MSLN: variants seen among roughly 807,000 people sequenced by gnomAD.
MSLN encodes CAK1 antigen.
Under a neutral mutation model 72.6 loss-of-function variants are expected in MSLN, and 82 were observed. The ratio of observed to expected loss-of-function variants is 1.13; its 90% CI spans 0.94 to 1.36. The LOEUF (loss-of-function observed/expected upper bound fraction) is 1.36, where lower values mean the gene tolerates loss of function less well. Among genes scored for constraint, MSLN ranks in the 40% most tolerant of loss-of-function variants. The probability of loss-of-function intolerance (pLI) is 0.00; values close to 1 mark genes in which losing one functional copy is unlikely to be tolerated. For missense variants in MSLN, 1,005 were observed against 847.9 expected (o/e 1.19, Z -2.30); for synonymous variants, 456 against 387.3 (o/e 1.18, Z -2.08).
chr16:768,522 C>T lies in MSLN; in HGVS notation c.1740C>T (p.Gly580=), dbSNP rs369475509. The part of the protein sequence containing the change: ...DLDTLGLGLQ[G]GIPNGYLVLD... ...ACACGCTGGGGCTGGGGCTACAGGGCGGCATCCCCAACGGCTACCTGGTCC... is the reference window on the plus strand; with the variant it reads ...ACACGCTGGGGCTGGGGCTACAGGGTGGCATCCCCAACGGCTACCTGGTCC... Residue 580 remains glycine, a synonymous_variant, in exon 17 of 18, where the codon GGC becomes GGT. Transcript: ENST00000545450. 1.5e-5 allele frequency: 24 copies of T among 1,598,462 alleles called. No homozygotes were observed. Among genetic ancestry groups the T allele is most frequent in the Non-Finnish European group, 1.8e-5 (21 of 1,171,694 alleles).
Position 764,910 on chromosome 16 carries a change from A to C in MSLN, c.384A>C (p.Pro128=). The C allele has an allele frequency of 6.2e-7, 1 of 1,611,652 alleles. No homozygotes were observed. Among genetic ancestry groups the C allele is most frequent in the Non-Finnish European group, 8.5e-7 (1 of 1,179,448 alleles). ...CCCCAGCACCCTCTCTTCACAGCCC[A>C]GATGCGTTCTCGGGGCCCCAGGCCT... is the stretch of plus-strand genomic sequence containing the variant. ...LPLDLLLFLN[P]DAFSGPQACT... is the part of the protein sequence containing the mutation. Residue 128 remains proline, a synonymous_variant, in exon 8 of 18, where the codon CCA becomes CCC. Coordinates refer to ENST00000545450, the MANE Select transcript of MSLN (RefSeq NM_005823.6).
chr16:766,427 G>A lies in MSLN; in HGVS notation c.1167G>A (p.Val389=), dbSNP rs750832995. Residue 389 remains valine, a synonymous_variant, in exon 13 of 18, where the codon GTG becomes GTA. Transcript: ENST00000545450. ...MSPEDIRKWN[V]TSLETLKALL... is the part of the protein sequence containing the mutation. ...CTGAGGACATTCGCAAGTGGAATGTGACGTCCCTGGAGACCCTGAAGGCTT... is the reference window on the plus strand; with the variant it reads ...CTGAGGACATTCGCAAGTGGAATGTAACGTCCCTGGAGACCCTGAAGGCTT... The A allele has an allele frequency of 1.9e-6, 3 of 1,612,576 alleles. No homozygotes were observed.
At position 767,380 on chromosome 16, in the gene MSLN, G is replaced by A. The variant is rs746891184; in HGVS notation, c.1506G>A (p.Gly502=). The part of the protein sequence containing the change: ...YFVKIQSFLG[G]APTEDLKALS... Reference sequence around the variant, plus strand: ...GGCCCCTCTCCCGGCGGGCAGGTGGGGCCCCCACGGAGGATTTGAAGGCGC... The same window carrying A: ...GGCCCCTCTCCCGGCGGGCAGGTGGAGCCCCCACGGAGGATTTGAAGGCGC... The change falls in exon 16 of 18, where the codon GGG becomes GGA. Residue 502 remains glycine, a synonymous_variant. Transcript: ENST00000545450. 1 of 1,611,044 alleles carries A rather than the reference G, an allele frequency of 6.2e-7. No homozygotes were observed. Among genetic ancestry groups the A allele is most frequent in the Non-Finnish European group, 8.5e-7 (1 of 1,179,376 alleles).
Position 764,063 on chromosome 16 carries a change from G to T in MSLN, c.220G>T (p.Val74Leu). 6.2e-7 allele frequency: 1 copy of T among 1,605,552 alleles called. No homozygotes were observed. ...ACTCCTTGGCTTCCCGTGTGCGGAG[G>T]TGTCCGGCCTGAGCACGGAGCGTGT... is the stretch of plus-strand genomic sequence containing the variant. ...RQLLGFPCAE[V>L]SGLSTERVRE... Residue 74 changes from valine to leucine, a missense_variant, in exon 6 of 18, where the codon GTG becomes TTG. Physicochemically the swap from Val to Leu is conservative, Grantham distance 32. Transcript: ENST00000545450.
intron 4 of MSLN, 21 bp from the exon 5 acceptor site, chr16:763,621 C>G: frequency 6.3e-7 from 1 of 1,588,024 alleles, no homozygotes; most frequent in South Asian, 1.1e-5. Context: ...GAGCCATGTT[C>G]AGCAGGCCCT....
At position 766,441 on chromosome 16, in the gene MSLN, C is replaced by T; in HGVS notation, c.1181C>T (p.Thr394Ile). The T allele has an allele frequency of 6.2e-7, 1 of 1,612,684 alleles. No individual in the cohort carries two copies. Among genetic ancestry groups the T allele is most frequent in the Admixed American group, 1.7e-5 (1 of 60,022 alleles). Residue 394 changes from threonine to isoleucine, a missense_variant, in exon 13 of 18, where the codon ACC becomes ATC. Physicochemically the swap from Thr to Ile is moderately conservative, Grantham distance 89. Coordinates refer to ENST00000545450, the MANE Select transcript of MSLN (RefSeq NM_005823.6). ...IRKWNVTSLE[T>I]LKALLEVNKG... ...AAGTGGAATGTGACGTCCCTGGAGA[C>T]CCTGAAGGCTTTGCTTGAAGTCAAC... is the stretch of plus-strand genomic sequence containing the variant.
Position 764,009 on chromosome 16 carries a change from G to T in MSLN, c.180-14G>T. On this transcript the variant is annotated splice_polypyrimidine_tract_variant and intron_variant, in intron 5 of 17. Coordinates refer to ENST00000545450, the MANE Select transcript of MSLN (RefSeq NM_005823.6). ...AGGGGCGATCGTGGGTGCCCAGCCC[G>T]ACCCTTCCTGCAGCCTCTCCCCTCG... The T allele has an allele frequency of 6.3e-7, 1 of 1,596,698 alleles. No homozygotes were observed. The highest frequency in any genetic ancestry group is 1.1e-5 in the South Asian group (1 of 90,488).
chr16:763,560 C>T, intron 4 of MSLN, 82 bp from the exon 5 acceptor site: 3 of 1,386,482 alleles, frequency 2.2e-6, no homozygotes, highest in Non-Finnish European at 3.0e-6. Flanking sequence ...CGGGGAGTAC[C>T]TGGCCCAGGG....
rs372418783 is a variant in MSLN, at chr16:767,454, G to C, written c.1580G>C (p.Arg527Pro). The C allele has an allele frequency of 6.9e-6, 11 of 1,590,730 alleles. No individual in the cohort carries two copies. The highest frequency in any genetic ancestry group is 4.4e-5 in the South Asian group (4 of 90,064). Residue 527 changes from arginine to proline, a missense_variant, in exon 16 of 18, where the codon CGG (arginine) becomes CCG (proline). Arg to Pro is a moderately radical substitution (Grantham distance 103). Transcript: ENST00000545450. ...SMDLATFMKL[R>P]TDAVLPLTVA... Reference sequence around the variant, plus strand: ...GACTTGGCCACGTTCATGAAGCTGCGGACGGATGCGGTGCTGGTATGGCGA... The same window carrying C: ...GACTTGGCCACGTTCATGAAGCTGCCGACGGATGCGGTGCTGGTATGGCGA...
chr16:765,976 G>C, intron 11 of MSLN, 83 bp from the exon 12 acceptor site: 1 of 1,445,268 alleles, frequency 6.9e-7, no homozygotes, highest in Non-Finnish European at 9.3e-7. Flanking sequence ...CAAATGGCCC[G>C]AGGTCTCATC....
At chr16:766,015 T>C (rs754143674) in intron 11 of MSLN, 44 bp from the exon 12 acceptor site, 16 of 1,540,510 alleles carry the variant, frequency 1.0e-5, no homozygotes, top group Non-Finnish European at 4.4e-6. Flanking sequence ...GAAGAAGGGG[T>C]CAAACGAACT....
At chr16:764,183 G>T (rs754325182) in intron 6 of MSLN, 40 bp downstream of exon 6, 1 of 1,585,606 alleles carries the variant, frequency 6.3e-7, no homozygotes, top group South Asian at 1.1e-5. Flanking sequence ...GCACAGCTGG[G>T]GCTGAGGAAT....
In MSLN at chr16:765,147, G is replaced by A. The variant is rs751900858; in HGVS notation, c.548G>A (p.Arg183Gln). ...TCTCTGCTGAGCGAGGCTGATGTGC[G>A]GGCTCTGGGAGGCCTGGCTTGCGAC... is the stretch of plus-strand genomic sequence containing the variant. ...RGSLLSEADV[R>Q]ALGGLACDLP... is the part of the protein sequence containing the mutation. The change falls in exon 9 of 18, where the codon CGG (arginine) becomes CAG (glutamine). Residue 183 changes from arginine to glutamine, a missense_variant. By Grantham distance (43) the Arg-to-Gln change is conservative. Coordinates refer to ENST00000545450, the MANE Select transcript of MSLN (RefSeq NM_005823.6). The A allele has an allele frequency of 8.1e-6, 13 of 1,603,504 alleles. No homozygotes were observed. Among genetic ancestry groups the A allele is most frequent in the African/African-American group, 5.3e-5 (4 of 74,908 alleles).
chr16:768,754 C>A lies in MSLN; in HGVS notation c.*21C>A. ...CCTGAGGGCCCCACTCCCTTGCTGGCCCCAGCCCTGCTGGGGATCCCCGCC... is the reference window on the plus strand; with the variant it reads ...CCTGAGGGCCCCACTCCCTTGCTGGACCCAGCCCTGCTGGGGATCCCCGCC... On this transcript the variant is annotated 3_prime_UTR_variant, in exon 18 of 18. Transcript: ENST00000545450. The A allele has an allele frequency of 6.2e-7, 1 of 1,607,550 alleles. No homozygotes were observed. The highest frequency in any genetic ancestry group is 8.5e-7 in the Non-Finnish European group (1 of 1,177,976).
chr16:765,714 A>G lies in MSLN; in HGVS notation c.819A>G (p.Gln273=), dbSNP rs776353952. The G allele has an allele frequency of 6.2e-6, 10 of 1,600,990 alleles. No homozygotes were observed. In the East Asian group the frequency reaches 1.1e-4, roughly 18 times the overall value. ...IPQGIVAAWR[Q]RSSRDPSWRQ... ...AGGGCATCGTGGCCGCGTGGCGGCA[A>G]CGCTCCTCTCGGGACCCATCCTGGC... The change falls in exon 11 of 18, where the codon CAA becomes CAG. Residue 273 remains glutamine (Q), a synonymous_variant. Coordinates refer to ENST00000545450, the MANE Select transcript of MSLN (RefSeq NM_005823.6).
Position 765,096 on chromosome 16 carries a change from C to T in MSLN, c.511-14C>T, listed in dbSNP as rs757744631. ...TCGGCAGTTCCAAAAGCGCTGAGGCCAGCCTCTCTGCAGGGTGTGCGGGGG... is the reference window on the plus strand; with the variant it reads ...TCGGCAGTTCCAAAAGCGCTGAGGCTAGCCTCTCTGCAGGGTGTGCGGGGG... On this transcript the variant is annotated splice_polypyrimidine_tract_variant and intron_variant, in intron 8 of 17. Coordinates refer to ENST00000545450, the MANE Select transcript of MSLN (RefSeq NM_005823.6). 17 of 1,605,378 alleles carry T rather than the reference C, an allele frequency of 1.1e-5. No individual in the cohort carries two copies. The South Asian group carries it at 1.8e-4, about 17-fold the overall frequency.
rs144629364 is a variant in MSLN at position 763,120 on chromosome 16, T to C, written c.86-113T>C. On this transcript the variant is annotated intron_variant, in intron 3 of 17. Transcript: ENST00000545450. ...CTGAGCCACTGGCTTCTCTTTGGGG[T>C]GTGCACAGGGCTGGCTGTGGGGGCG... The C allele has an allele frequency of 1.9e-3, 1,317 of 681,622 alleles. 15 individuals carry two copies. In the African/African-American group the frequency reaches 0.021, roughly 11 times the overall value. 42.2% of individuals were successfully genotyped at this position (681,622 alleles called of 1,614,324 possible).
At chr16:764,166 CAGGTGGGCACAGCTGGGGCTGAGGA>C in intron 6 of MSLN, 23 bp downstream of exon 6, 13 of 1,594,472 alleles carry the variant, frequency 8.2e-6, no homozygotes, top group Non-Finnish European at 1.1e-5. Context: ...TGGGCTGAGG[CAGGTGGGCACAGCTGGGGCTGAGGA>C]ATTCACAGGC....
chr16:768,051 G>C (rs1411570237), intron 16 of MSLN, among the ~76,000 whole-genome samples: 3 of 97,828 alleles, frequency 3.1e-5, no homozygotes, highest in Admixed American at 9.9e-5. Flanking sequence ...GAGGGGGCGC[G>C]TGGAGGAGGG....
Sources: allele counts gnomAD v4.1 joint callset (sites outside exome capture counted in the v4.1 genomes callset), GRCh38; gene constraint gnomAD v4.1.1; transcripts MANE v1.5; gene names NCBI Gene and HGNC (gene_info 2026-07-23, HGNC 2026-07-21).